Variants in SGCD observed in about 807,000 individuals in gnomAD.
SGCD encodes the protein delta-sarcoglycan.
Under a neutral mutation model 36.6 loss-of-function variants are expected in SGCD, and 18 were observed. That is an observed-to-expected ratio of 0.49 (90% confidence interval 0.34 to 0.73). SGCD has a LOEUF of 0.73. SGCD is among the 30% of genes least tolerant of loss of function. The pLI, the probability that SGCD is intolerant of heterozygous loss-of-function variation, is 0.01. For synonymous variants in SGCD, 133 were observed against 130.6 expected, an observed-to-expected ratio of 1.02 and a Z score of -0.12; for missense variants, 387 against 346.7, an observed-to-expected ratio of 1.12 and a Z score of -0.92.
intron 1 of SGCD, among the ~76,000 whole-genome samples, chr5:156,072,994 G>A (rs1760633306): frequency 6.6e-6 from 1 of 152,152 alleles, no homozygotes; most frequent in East Asian, 1.9e-4. Context: ...GCTCCTTTAA[G>A]CACTTCTCTC....
the SGCD span, among the ~76,000 whole-genome samples, chr5:155,819,875 A>T: frequency 1.3e-5 from 2 of 152,202 alleles, no homozygotes; most frequent in African/African-American, 4.8e-5. Flanking sequence ...TTTGCTCAGG[A>T]ATGTCATCAT....
At chr5:156,570,468 C>T (rs960651691) in intron 4 of SGCD, among the ~76,000 whole-genome samples, 27 of 152,268 alleles carry the variant, frequency 1.8e-4, no homozygotes, top group African/African-American at 6.5e-4. Context: ...ATACTTCTGA[C>T]AACTTTTAAT....
chr5:155,915,790 T>C (rs892277581), intron 1 of SGCD, among the ~76,000 whole-genome samples: 4 of 152,316 alleles, frequency 2.6e-5, no homozygotes, highest in Middle Eastern at 3.4e-3. Context: ...TATATTTAAA[T>C]TGGCGTTTGA....
intron 1 of SGCD, among the ~76,000 whole-genome samples, chr5:156,080,540 AT>A (rs1276051756): frequency 6.6e-6 from 1 of 152,188 alleles, no homozygotes. Flanking sequence ...TTGCTCCCAC[AT>A]CTGAGCATAA....
chr5:156,235,910 G>A (rs2127653545), intron 3 of SGCD, among the ~76,000 whole-genome samples: 1 of 152,282 alleles, frequency 6.6e-6, no homozygotes, highest in South Asian at 2.1e-4. Context: ...TGTGAAATGA[G>A]TCTATTCTAC....
chr5:155,815,048 T>G, the SGCD span, among the ~76,000 whole-genome samples: 2,625 of 152,134 alleles, frequency 0.017, 82 homozygotes, highest in African/African-American at 0.059. Flanking sequence ...ATTATTTGCT[T>G]CATTTAGTCT....
At chr5:156,112,638 C>T (rs534481550) in intron 1 of SGCD, among the ~76,000 whole-genome samples, 1 of 152,232 alleles carries the variant, frequency 6.6e-6, no homozygotes, top group Non-Finnish European at 1.5e-5. Context: ...CTCCATTAAA[C>T]AATCATATAT....
intron 3 of SGCD, among the ~76,000 whole-genome samples, chr5:156,450,633 A>G (rs938300950): frequency 6.6e-6 from 1 of 152,078 alleles, no homozygotes; most frequent in Non-Finnish European, 1.5e-5. Context: ...AATAAACAGT[A>G]TTCTAATTGT....
chr5:156,037,017 G>A (rs1759515573), intron 1 of SGCD, among the ~76,000 whole-genome samples: 1 of 152,170 alleles, frequency 6.6e-6, no homozygotes. Flanking sequence ...TTGTGTCTCA[G>A]TGTCCCCATG....
intron 7 of SGCD, among the ~76,000 whole-genome samples, chr5:156,741,784 A>G (rs530489714): frequency 2.6e-5 from 4 of 152,294 alleles, no homozygotes; most frequent in Admixed American, 2.0e-4. Context: ...CTAGACAATC[A>G]GTTCCTCAAT....
At chr5:155,905,354 C>CT (rs912186600) in intron 1 of SGCD, among the ~76,000 whole-genome samples, 13 of 151,282 alleles carry the variant, frequency 8.6e-5, no homozygotes, top group East Asian at 1.9e-4. Flanking sequence ...TTATTAGTTA[C>CT]TTTTTTTTTG....
intron 3 of SGCD, among the ~76,000 whole-genome samples, chr5:156,250,617 C>CTTTTGTTTTGTTTTGTT (rs1205966581): frequency 5.9e-5 from 9 of 152,164 alleles, no homozygotes; most frequent in African/African-American, 2.2e-4. Context: ...GGTTGAACCA[C>CTTTTGTTTTGTTTTGTT]TGTTCCTTTT....
intron 3 of SGCD, among the ~76,000 whole-genome samples, chr5:156,252,466 C>T (rs1765607309): frequency 2.0e-5 from 3 of 152,116 alleles, no homozygotes; most frequent in Non-Finnish European, 4.4e-5. Context: ...TTGTGGATGT[C>T]TAAGTATTTT....
intron 6 of SGCD, among the ~76,000 whole-genome samples, chr5:156,604,133 A>T: frequency 6.6e-6 from 1 of 151,892 alleles, no homozygotes; most frequent in East Asian, 1.9e-4. Flanking sequence ...TGATTCTTTT[A>T]TCACTATACA....
intron 3 of SGCD, among the ~76,000 whole-genome samples, chr5:156,233,671 G>A (rs1450930809): frequency 6.6e-6 from 1 of 152,198 alleles, no homozygotes; most frequent in Non-Finnish European, 1.5e-5. Context: ...AGTCAAATGA[G>A]AAGGCAGTTG....
chr5:156,280,588 T>C (rs1038116535), intron 3 of SGCD, among the ~76,000 whole-genome samples: 2 of 152,354 alleles, frequency 1.3e-5, no homozygotes, highest in East Asian at 3.9e-4. Context: ...TCTGCAATTA[T>C]GCAGGGCAAA....
At chr5:156,744,031 A>C (rs1561892125) in intron 7 of SGCD, among the ~76,000 whole-genome samples, 1 of 152,218 alleles carries the variant, frequency 6.6e-6, no homozygotes. Flanking sequence ...CAGTTAAAAC[A>C]GGGATACCTG....
At chr5:155,988,580 T>G (rs1298105605) in intron 1 of SGCD, among the ~76,000 whole-genome samples, 1 of 151,802 alleles carries the variant, frequency 6.6e-6, no homozygotes, top group African/African-American at 2.4e-5. Flanking sequence ...ACTGATCTTA[T>G]GCTCCAGTCT....
At position 156,574,917 on chromosome 5, in the gene SGCD, C is replaced by A. The variant is rs987193062; in HGVS notation, c.295-14314C>A. Among the ~76,000 whole-genome samples the A allele has an allele frequency of 2.0e-5, 3 of 152,134 alleles. No homozygotes were observed. In the South Asian group the frequency reaches 6.2e-4, roughly 32 times the overall value. ...AAGGTCAAAATCCAAAGCAACAGGGCCTCACTGATGGAGGGAGGAAAAATA... is the reference window on the plus strand; with the variant it reads ...AAGGTCAAAATCCAAAGCAACAGGGACTCACTGATGGAGGGAGGAAAAATA... On this transcript the variant is annotated intron_variant, in intron 4 of 8. Transcript: ENST00000337851.
Sources: allele counts gnomAD v4.1 joint callset (sites outside exome capture counted in the v4.1 genomes callset), GRCh38; gene constraint gnomAD v4.1.1; transcripts MANE v1.5; gene names NCBI Gene and HGNC (gene_info 2026-07-23, HGNC 2026-07-21).